The following FAM117B variants were observed in gnomAD, a reference collection of about 807,000 sequenced individuals.
The protein encoded by FAM117B is protein FAM117B.
In FAM117B, 22 loss-of-function variants were observed where a neutral mutation model predicts 52.8. The observed-to-expected ratio is 0.42, with a 90% CI of 0.30 to 0.59. The LOEUF is 0.59. Ranked by LOEUF, FAM117B falls within the 20% of genes least tolerant of loss-of-function variation. The probability of loss-of-function intolerance (pLI) is 0.22; values close to 1 mark genes in which losing one functional copy is unlikely to be tolerated. For synonymous variants in FAM117B, 309 were observed against 324.1 expected (o/e 0.95, Z 0.50); for missense variants, 678 against 802.6 (o/e 0.84, Z 1.88).
At chr2:202,738,153 A>G (rs920602978) in intron 4 of FAM117B, among the ~76,000 whole-genome samples, 3 of 152,324 alleles carry the variant, frequency 2.0e-5, no homozygotes, top group Non-Finnish European at 1.5e-5. Flanking sequence ...GACATTCTGG[A>G]TAAAAGTCCT....
At chr2:202,763,428 CAT>C (rs1220637285) in intron 7 of FAM117B, among the ~76,000 whole-genome samples, 2 of 152,086 alleles carry the variant, frequency 1.3e-5, no homozygotes, top group Non-Finnish European at 2.9e-5. Context: ...ATCTAGCCCT[CAT>C]TTGGATGGAA....
intron 2 of FAM117B, among the ~76,000 whole-genome samples, chr2:202,705,976 G>A (rs776157724): frequency 2.6e-5 from 4 of 152,066 alleles, no homozygotes; most frequent in African/African-American, 4.8e-5. Flanking sequence ...TGTGACCCAC[G>A]TGATTGATGT....
chr2:202,635,182 G>T lies in FAM117B; in HGVS notation c.-6G>T. 4.7e-6 allele frequency: 6 copies of T among 1,276,388 alleles called. No homozygotes were observed. Among genetic ancestry groups the T allele is most frequent in the Non-Finnish European group, 5.0e-6 (5 of 1,009,890 alleles). 79.1% of individuals were successfully genotyped at this position (1,276,388 alleles called of 1,614,324 possible). On this transcript the variant is annotated 5_prime_UTR_variant, in exon 1 of 8. Transcript: ENST00000392238. The stretch of plus-strand genomic sequence containing the variant: ...TCTCGCCCAGTCACCGGGGAGGGGG[G>T]GGACCATGTCCCAGCGGGTGAGGCG...
At position 202,726,314 on chromosome 2, in the gene FAM117B, A is replaced by G; in HGVS notation, c.911A>G (p.Glu304Gly). ...AGCAGTCGGCATCATCGAGATAAAGAAAGACAGTCTCCATTTCATGGCAAC... is the reference window on the plus strand; with the variant it reads ...AGCAGTCGGCATCATCGAGATAAAGGAAGACAGTCTCCATTTCATGGCAAC... ...KHSSRHHRDK[E>G]RQSPFHGNHA... Residue 304 changes from glutamate to glycine, a missense_variant, in exon 4 of 8, where the codon GAA becomes GGA. Glu to Gly is a moderately conservative substitution (Grantham distance 98). Around this residue, in one of 3 missense-constraint regions of FAM117B, gnomAD observed 583 missense variants for 644.8 expected, o/e 0.90. Transcript: ENST00000392238. The G allele has an allele frequency of 6.2e-7, 1 of 1,614,004 alleles. No homozygotes were observed. The highest frequency in any genetic ancestry group is 1.3e-5 in the African/African-American group (1 of 75,056).
At chr2:202,694,877 T>A (rs1690687320) in intron 1 of FAM117B, among the ~76,000 whole-genome samples, 1 of 152,234 alleles carries the variant, frequency 6.6e-6, no homozygotes, top group South Asian at 2.1e-4. Flanking sequence ...GTATTACTTT[T>A]AGATGTCATT....
intron 4 of FAM117B, among the ~76,000 whole-genome samples, chr2:202,745,155 C>T (rs1372252740): frequency 6.6e-6 from 1 of 151,720 alleles, no homozygotes; most frequent in Non-Finnish European, 1.5e-5. Context: ...TGGTGCACTC[C>T]TGTAGTCCCA....
At chr2:202,729,852 A>G (rs2105788866) in intron 4 of FAM117B, among the ~76,000 whole-genome samples, 1 of 152,356 alleles carries the variant, frequency 6.6e-6, no homozygotes, top group African/African-American at 2.4e-5. Context: ...TAAGACATTT[A>G]GACTTCAACC....
At chr2:202,719,816 A>G (rs1691121501) in intron 2 of FAM117B, among the ~76,000 whole-genome samples, 1 of 152,182 alleles carries the variant, frequency 6.6e-6, no homozygotes, top group Non-Finnish European at 1.5e-5. Context: ...GAAGTTCCTC[A>G]GCCTGAGTTT....
At chr2:202,722,320 T>G (rs1007631468) in intron 2 of FAM117B, among the ~76,000 whole-genome samples, 1 of 152,294 alleles carries the variant, frequency 6.6e-6, no homozygotes, top group Non-Finnish European at 1.5e-5. Context: ...GTTATTTAAC[T>G]GATCTGAAAC....
intron 2 of FAM117B, among the ~76,000 whole-genome samples, chr2:202,716,242 C>T (rs1691053901): frequency 6.6e-6 from 1 of 151,944 alleles, no homozygotes; most frequent in Non-Finnish European, 1.5e-5. Flanking sequence ...CATCTTTTTC[C>T]ATCCCTTTTT....
At chr2:202,697,843 C>T (rs756514826) in intron 2 of FAM117B, among the ~76,000 whole-genome samples, 11 of 152,012 alleles carry the variant, frequency 7.2e-5, no homozygotes, top group Admixed American at 1.3e-4. Context: ...AGCCACCACA[C>T]GTGGCCCGAG....
chr2:202,654,336 T>G (rs1448131716), intron 1 of FAM117B, among the ~76,000 whole-genome samples: 1 of 152,118 alleles, frequency 6.6e-6, no homozygotes, highest in Non-Finnish European at 1.5e-5. Flanking sequence ...TTTTGTGTAT[T>G]TGTTCTCTAT....
intron 2 of FAM117B, among the ~76,000 whole-genome samples, chr2:202,720,395 C>G (rs1326376024): frequency 2.8e-5 from 4 of 141,566 alleles, no homozygotes; most frequent in Admixed American, 1.4e-4. Context: ...ATTTGCTTTA[C>G]CTGTCGTGTG....
chr2:202,672,370 G>A lies in FAM117B; in HGVS notation c.602-23511G>A, dbSNP rs145788658. ...TGGGGTTACAGGCGTGCGCCACCAC[G>A]CCTGGCTAATTTTTGTATTTTTAGT... On this transcript the variant is annotated intron_variant, in intron 1 of 7. Coordinates refer to ENST00000392238, the MANE Select transcript of FAM117B (RefSeq NM_173511.4). Among the ~76,000 whole-genome samples, 781 of 152,020 alleles carry A rather than the reference G, an allele frequency of 5.1e-3. 6 individuals are homozygous for A. The highest frequency in any genetic ancestry group is 0.017 in the Middle Eastern group (5 of 294).
intron 4 of FAM117B, among the ~76,000 whole-genome samples, chr2:202,727,795 A>G (rs1282853252): frequency 6.6e-6 from 1 of 152,142 alleles, no homozygotes; most frequent in Non-Finnish European, 1.5e-5. Flanking sequence ...TAAAATACTT[A>G]CTGTTTGGCC....
intron 1 of FAM117B, among the ~76,000 whole-genome samples, chr2:202,667,866 A>ACTATTTTTATAT: frequency 6.6e-6 from 1 of 151,946 alleles, no homozygotes; most frequent in Non-Finnish European, 1.5e-5. Context: ...ACCACAGAAA[A>ACTATTTTTATAT]GAGTAGTGGA....
intron 1 of FAM117B, among the ~76,000 whole-genome samples, chr2:202,639,035 T>G (rs1689727590): frequency 6.6e-6 from 1 of 152,222 alleles, no homozygotes; most frequent in Non-Finnish European, 1.5e-5. Context: ...GGAAAGTCTT[T>G]GTAAACGTCA....
At chr2:202,661,036 A>G (rs1055478289) in intron 1 of FAM117B, among the ~76,000 whole-genome samples, 8 of 152,020 alleles carry the variant, frequency 5.3e-5, no homozygotes, top group Admixed American at 4.6e-4. Context: ...TTTCCTGCCC[A>G]CTCCTACTGT....
intron 1 of FAM117B, among the ~76,000 whole-genome samples, chr2:202,643,033 A>G (rs948334820): frequency 9.2e-5 from 14 of 152,218 alleles, no homozygotes; most frequent in Non-Finnish European, 1.2e-4. Flanking sequence ...TGAATCTGGC[A>G]TGTAGATTAG....
Sources: gnomAD v4.1 joint callset for allele counts (sites outside exome capture counted in the v4.1 genomes callset) on GRCh38, gnomAD v4.1.1 for gene constraint, gnomAD v4.1.1 regional missense constraint, MANE v1.5 for transcripts, NCBI Gene and HGNC (gene_info 2026-07-23, HGNC 2026-07-21) for gene names.